TAF15: variants seen among roughly 807,000 people sequenced by gnomAD.
TAF15 encodes the protein TATA-box binding protein associated factor 15, also known as TATA-binding protein-associated factor 2N.
In TAF15, 37 loss-of-function variants were observed where a neutral mutation model predicts 102.5. The observed-to-expected ratio is 0.36, with a 90% CI of 0.28 to 0.47. TAF15 has a LOEUF of 0.47. Ranked by LOEUF, TAF15 falls within the 20% of genes least tolerant of loss-of-function variation. The probability of loss-of-function intolerance (pLI) is 0.99; values close to 1 mark genes in which losing one functional copy is unlikely to be tolerated. For missense variants in TAF15, 652 were observed against 760.7 expected (o/e 0.86, Z 1.68); for synonymous variants, 273 against 259.2 (o/e 1.05, Z -0.51).
At chr17:35,819,702 T>C (rs888331318) in intron 2 of TAF15, among the ~76,000 whole-genome samples, 1 of 152,230 alleles carries the variant, frequency 6.6e-6, no homozygotes, top group East Asian at 1.9e-4. Context: ...TCTTGCTATG[T>C]AGTTTTTATT....
At chr17:35,819,978 A>T (rs1376465389) in intron 2 of TAF15, 46 bp from the exon 3 acceptor site, 1 of 1,577,496 alleles carries the variant, frequency 6.3e-7, no homozygotes, top group African/African-American at 1.4e-5. Flanking sequence ...TTTAAACTTT[A>T]AAATTTCTAC....
intron 11 of TAF15, among the ~76,000 whole-genome samples, chr17:35,839,958 C>T (rs1271807343): frequency 3.9e-5 from 6 of 152,082 alleles, no homozygotes; most frequent in Non-Finnish European, 5.9e-5. Context: ...ATGAGCTAAG[C>T]ACAACTTTAA....
Position 35,840,678 on chromosome 17 carries a change from A to G in TAF15, c.914-1689A>G, listed in dbSNP as rs1390195345. On this transcript the variant is annotated intron_variant, in intron 11 of 15. Coordinates refer to ENST00000605844, the MANE Select transcript of TAF15 (RefSeq NM_139215.3). ...CAGGAGTTCAAGATCAGCCTGGCCA[A>G]CATGGTGAAATCCCATCTCTACTAA... Among the ~76,000 whole-genome samples, 7 of 151,960 alleles carry G rather than the reference A, an allele frequency of 4.6e-5. No individual in the cohort carries two copies. In the East Asian group the frequency reaches 1.2e-3, roughly 25 times the overall value.
chr17:35,825,753 C>T (rs1298179867), intron 7 of TAF15, among the ~76,000 whole-genome samples: 2 of 152,034 alleles, frequency 1.3e-5, no homozygotes, highest in African/African-American at 4.8e-5. Context: ...TGGAGACCAT[C>T]CTGGCCAACA....
chr17:35,829,220 A>G (rs1322835441), intron 7 of TAF15, among the ~76,000 whole-genome samples: 1 of 152,012 alleles, frequency 6.6e-6, no homozygotes, highest in African/African-American at 2.4e-5. Context: ...CTTTCTCTCT[A>G]GTTAGTGAAA....
chr17:35,815,004 C>G (rs964619857), intron 1 of TAF15, among the ~76,000 whole-genome samples: 10 of 151,866 alleles, frequency 6.6e-5, no homozygotes, highest in African/African-American at 2.4e-4. Flanking sequence ...AGAATATGAC[C>G]AAACATTAGT....
chr17:35,840,789 G>A (rs1246768586), intron 11 of TAF15, among the ~76,000 whole-genome samples: 4 of 151,854 alleles, frequency 2.6e-5, no homozygotes, highest in Admixed American at 2.6e-4. Context: ...GCTTGAACCC[G>A]GGAGTTGGAG....
chr17:35,841,727 T>A (rs2087549760), intron 11 of TAF15, among the ~76,000 whole-genome samples: 1 of 147,294 alleles, frequency 6.8e-6, no homozygotes, highest in African/African-American at 2.5e-5. Flanking sequence ...AGAGAGAGTA[T>A]CACACTGTCT....
In TAF15 at chr17:35,841,753, A is replaced by G. The variant is rs565600790; in HGVS notation, c.914-614A>G. ...CACACTGTCTTCCAGGCTAGTACAC[A>G]GTGGCACGAAGATAGCTCACTGCAG... On this transcript the variant is annotated intron_variant, in intron 11 of 15. Transcript: ENST00000605844. Among the ~76,000 whole-genome samples, 4 of 149,652 alleles carry G rather than the reference A, an allele frequency of 2.7e-5. No individual in the cohort carries two copies. The East Asian group carries it at 7.9e-4, about 29-fold the overall frequency.
rs747791734 is a variant in TAF15, at chr17:35,844,915, G to A, written c.1616G>A (p.Ser539Asn). The change falls in exon 15 of 16, where the codon AGT becomes AAT. Residue 539 changes from serine (S) to asparagine (N), a missense_variant. Ser to Asn is a conservative substitution (Grantham distance 46). This residue lies in a region of TAF15 where 368 missense variants were observed against 367.5 expected (regional missense o/e 1.00). Transcript: ENST00000605844. The part of the protein sequence containing the change: ...GGYGGDRGGG[S>N]GYGGDRSGGY... The stretch of plus-strand genomic sequence containing the variant: ...TATGGAGGAGACCGTGGTGGTGGCA[G>A]TGGCTACGGTGGAGACCGAAGTGGA... 7 of 1,613,118 alleles carry A rather than the reference G, an allele frequency of 4.3e-6. No homozygotes were observed. In the African/African-American group the frequency reaches 6.7e-5, roughly 15 times the overall value.
intron 5 of TAF15, among the ~76,000 whole-genome samples, chr17:35,821,736 C>T (rs963892273): frequency 3.3e-5 from 5 of 152,010 alleles, no homozygotes; most frequent in African/African-American, 7.3e-5. Context: ...CCTTTCAAAT[C>T]GCTAGAATAA....
Position 35,828,242 on chromosome 17 carries a change from A to G in TAF15, c.605+4044A>G, listed in dbSNP as rs570828565. On this transcript the variant is annotated intron_variant, in intron 7 of 15. Transcript: ENST00000605844. ...GGCACTGTATACATCAGTCTAAAAAATAAAAATATGTATACGTTCTGGTGA... is the reference window on the plus strand; with the variant it reads ...GGCACTGTATACATCAGTCTAAAAAGTAAAAATATGTATACGTTCTGGTGA... 1.1e-4 allele frequency among the ~76,000 whole-genome samples: 16 copies of G among 152,368 alleles called. No homozygotes were observed. In the South Asian group the frequency reaches 3.3e-3, roughly 32 times the overall value.
intron 11 of TAF15, among the ~76,000 whole-genome samples, chr17:35,841,496 G>C (rs4796116): frequency 0.27 from 40,106 of 148,494 alleles, 6,333 homozygotes; most frequent in African/African-American, 0.44. Flanking sequence ...TTTTTGACTT[G>C]CTGGGCTTAG....
Position 35,834,558 on chromosome 17 carries a change from T to A in TAF15, c.641-8T>A. ...TAAATAGCTCTTTTTTCTTTTCTTT[T>A]CCCTTAGGTCACAGGGATTATGGAC... On this transcript the variant is annotated splice_polypyrimidine_tract_variant and splice_region_variant and intron_variant, in intron 8 of 15. Transcript: ENST00000605844. 6.2e-7 allele frequency: 1 copy of A among 1,613,260 alleles called. No homozygotes were observed. Among genetic ancestry groups the A allele is most frequent in the South Asian group, 1.1e-5 (1 of 90,818 alleles).
chr17:35,844,767 C>T lies in TAF15; in HGVS notation c.1468C>T (p.Arg490Ter), dbSNP rs1245865038. ...GGDRGGYGGD[R>*]GGGYGGDRGG... ...AGATCGAGGTGGCTATGGAGGAGACCGAGGTGGAGGCTATGGTGGAGACCG... is the reference window on the plus strand; with the variant it reads ...AGATCGAGGTGGCTATGGAGGAGACTGAGGTGGAGGCTATGGTGGAGACCG... Residue 490 changes from arginine (R) to a stop codon, truncating the protein, a stop_gained, in exon 15 of 16, where the codon CGA becomes TGA. Coordinates refer to ENST00000605844, the MANE Select transcript of TAF15 (RefSeq NM_139215.3). LOFTEE classifies it high-confidence loss of function. The T allele has an allele frequency of 2.5e-6, 4 of 1,601,850 alleles. No homozygotes were observed. The highest frequency in any genetic ancestry group is 2.6e-6 in the Non-Finnish European group (3 of 1,176,290).
intron 15 of TAF15, 73 bp from the exon 16 acceptor site, chr17:35,846,833 C>G: frequency 6.5e-7 from 1 of 1,528,676 alleles, no homozygotes. Context: ...CACTAGTACC[C>G]TGAAGAAGTG....
chr17:35,832,359 A>G (rs2087417671), intron 7 of TAF15, among the ~76,000 whole-genome samples: 1 of 152,264 alleles, frequency 6.6e-6, no homozygotes, highest in Non-Finnish European at 1.5e-5. Context: ...TGGAAATCAT[A>G]TAAAAAGTAA....
chr17:35,825,882 A>T (rs2087318992), intron 7 of TAF15, among the ~76,000 whole-genome samples: 1 of 151,894 alleles, frequency 6.6e-6, no homozygotes, highest in South Asian at 2.1e-4. Flanking sequence ...TGAACCCGGG[A>T]GGCGGAGCAT....
At chr17:35,816,681 C>CG (rs2087199009) in intron 1 of TAF15, 1 of 152,022 alleles carries the variant, frequency 6.6e-6, no homozygotes, top group East Asian at 1.9e-4. Flanking sequence ...TCATTTGACT[C>CG]TGAGTAAAGC....
Sources: gnomAD v4.1 joint callset for allele counts (sites outside exome capture counted in the v4.1 genomes callset) on GRCh38, gnomAD v4.1.1 for gene constraint, gnomAD v4.1.1 regional missense constraint, MANE v1.5 for transcripts, NCBI Gene and HGNC (gene_info 2026-07-23, HGNC 2026-07-21) for gene names.